EIF2AK4: variants seen among roughly 807,000 people sequenced by gnomAD.
The protein encoded by EIF2AK4 is eukaryotic translation initiation factor 2 alpha kinase 4, also known as eIF-2-alpha kinase GCN2.
A neutral mutation model predicts 211.1 loss-of-function variants in EIF2AK4; 139 were observed. The ratio of observed to expected loss-of-function variants is 0.66; its 90% CI spans 0.57 to 0.76. EIF2AK4 has a LOEUF of 0.76. Among genes scored for constraint, EIF2AK4 ranks in the 30% least tolerant of loss-of-function variants. EIF2AK4 has a pLI of 0.00. For synonymous variants in EIF2AK4, 710 were observed against 751.3 expected, an observed-to-expected ratio of 0.94 and a Z score of 0.90; for missense variants, 1,664 against 2,043.8, an observed-to-expected ratio of 0.81 and a Z score of 3.58.
Position 39,978,039 on chromosome 15 carries a change from G to A in EIF2AK4, c.2250-39G>A, listed in dbSNP as rs372077457. On this transcript the variant is annotated intron_variant, in intron 12 of 38. Coordinates refer to ENST00000263791, the MANE Select transcript of EIF2AK4 (RefSeq NM_001013703.4). ...TGTCCATGTTTATAATGATAATAGGGATTTCTGTTCCTTTAGTATTTCTGT... is the reference window on the plus strand; with the variant it reads ...TGTCCATGTTTATAATGATAATAGGAATTTCTGTTCCTTTAGTATTTCTGT... 172 of 1,428,202 alleles carry A rather than the reference G, an allele frequency of 1.2e-4. 1 individual carries two copies. The highest frequency in any genetic ancestry group is 1.6e-4 in the Non-Finnish European group (164 of 1,022,726). The allele number at this position is 1,428,202 out of a possible 1,614,324, so 88.5% of individuals were successfully genotyped here.
chr15:39,969,217 A>T (rs2034586980), intron 9 of EIF2AK4, among the ~76,000 whole-genome samples: 1 of 152,066 alleles, frequency 6.6e-6, no homozygotes, highest in South Asian at 2.1e-4. Context: ...CAGTACTGGG[A>T]GGTTTAAGTA....
intron 13 of EIF2AK4, among the ~76,000 whole-genome samples, chr15:39,979,842 C>G (rs1374703986): frequency 6.6e-6 from 1 of 152,104 alleles, no homozygotes; most frequent in Non-Finnish European, 1.5e-5. Context: ...ATGTTGGTTT[C>G]ACATCACGGC....
chr15:40,021,852 T>C (rs1567008217), intron 31 of EIF2AK4: 1 of 152,472 alleles, frequency 6.6e-6, no homozygotes, highest in Non-Finnish European at 1.5e-5. Flanking sequence ...ACCTGCTCTG[T>C]TTACATCACC....
chr15:40,033,888 C>T (rs960972580), intron 37 of EIF2AK4, among the ~76,000 whole-genome samples: 7 of 151,758 alleles, frequency 4.6e-5, no homozygotes, highest in Non-Finnish European at 1.0e-4. Context: ...ATTAGCCGGG[C>T]GTAGTGGCAG....
At chr15:40,018,754 A>G (rs2035343132) in intron 29 of EIF2AK4, among the ~76,000 whole-genome samples, 1 of 152,210 alleles carries the variant, frequency 6.6e-6, no homozygotes. Context: ...AATTATTAAC[A>G]AGGATTTTAC....
intron 4 of EIF2AK4, 104 bp from the exon 5 acceptor site, chr15:39,953,800 G>A: frequency 7.3e-6 from 8 of 1,098,098 alleles, no homozygotes; most frequent in Non-Finnish European, 1.1e-5. Flanking sequence ...TAGGAAGAGA[G>A]GGTTTGAATT....
chr15:39,993,121 C>T, intron 18 of EIF2AK4, among the ~76,000 whole-genome samples: 1 of 150,734 alleles, frequency 6.6e-6, no homozygotes, highest in Non-Finnish European at 1.5e-5. Context: ...CCCATCCACC[C>T]ATCCATCCAC....
chr15:40,020,414 A>G (rs55735426), intron 30 of EIF2AK4: 23,408 of 150,586 alleles, frequency 0.16, 1,929 homozygotes, highest in Non-Finnish European at 0.18. Flanking sequence ...CAATAAGGCC[A>G]AGGCAGGTGG....
intron 25 of EIF2AK4, 85 bp downstream of exon 25, chr15:40,008,280 GCTTCT>G (rs2035188850): frequency 8.3e-7 from 1 of 1,210,400 alleles, no homozygotes; most frequent in African/African-American, 1.6e-5. Context: ...CTACAGACCT[GCTTCT>G]CAGTCTGTCC....
At chr15:39,972,812 T>C (rs533604823) in intron 9 of EIF2AK4, 96 bp from the exon 10 acceptor site, 1 of 894,526 alleles carries the variant, frequency 1.1e-6, no homozygotes, top group Admixed American at 2.2e-5. Context: ...CTATAATGTG[T>C]ATCTTTAAAA....
intron 5 of EIF2AK4, among the ~76,000 whole-genome samples, chr15:39,955,129 C>T (rs986995711): frequency 6.6e-6 from 1 of 152,208 alleles, no homozygotes; most frequent in Non-Finnish European, 1.5e-5. Context: ...ACTCTCTGCC[C>T]TCTCTTTGAT....
chr15:39,973,552 C>G, intron 10 of EIF2AK4, 40 bp from the exon 11 acceptor site: 1 of 1,560,360 alleles, frequency 6.4e-7, no homozygotes, highest in South Asian at 1.2e-5. Context: ...TCCTAAATTT[C>G]CAATGCCTCA....
At chr15:39,997,995 A>C (rs1337785491) in intron 19 of EIF2AK4, among the ~76,000 whole-genome samples, 1 of 152,246 alleles carries the variant, frequency 6.6e-6, no homozygotes, top group Non-Finnish European at 1.5e-5. Context: ...GTATTCCACT[A>C]TAAGAACACT....
chr15:39,987,831 G>T (rs958574995), intron 14 of EIF2AK4, 152 bp from the exon 15 acceptor site: 2 of 720,922 alleles, frequency 2.8e-6, no homozygotes, highest in African/African-American at 1.8e-5. Context: ...TAATACTGTT[G>T]GTTTCTTTTT....
chr15:40,001,900 G>A (rs2035097903), intron 21 of EIF2AK4, among the ~76,000 whole-genome samples: 1 of 152,092 alleles, frequency 6.6e-6, no homozygotes, highest in Non-Finnish European at 1.5e-5. Context: ...TAGCCAGGTT[G>A]CCAGTTTGGG....
At chr15:39,992,143 T>C in intron 16 of EIF2AK4, 32 bp from the exon 17 acceptor site, 1 of 1,591,778 alleles carries the variant, frequency 6.3e-7, no homozygotes, top group Non-Finnish European at 8.6e-7. Context: ...TATCATGTTT[T>C]AATTGGATAT....
At chr15:39,944,594 G>A (rs1480711496) in intron 3 of EIF2AK4, among the ~76,000 whole-genome samples, 5 of 152,100 alleles carry the variant, frequency 3.3e-5, no homozygotes, top group African/African-American at 1.2e-4. Flanking sequence ...ACCATGCCCG[G>A]CTAATTTTTT....
At position 39,965,429 on chromosome 15, in the gene EIF2AK4, T is replaced by C. The variant is rs1380206566; in HGVS notation, c.860-257T>C. ...GTGAGCCACCACGCCTGGCCAAACA[T>C]TGGTCTCTTTATTTGCCTGATACTA... On this transcript the variant is annotated intron_variant, in intron 7 of 38. Transcript: ENST00000263791. Among the ~76,000 whole-genome samples, 4 of 152,154 alleles carry C rather than the reference T, an allele frequency of 2.6e-5. 1 individual carries two copies. The South Asian group carries it at 6.2e-4, about 24-fold the overall frequency.
intron 9 of EIF2AK4, 58 bp downstream of exon 9, chr15:39,967,937 T>C: frequency 6.5e-7 from 1 of 1,542,680 alleles, no homozygotes; most frequent in Non-Finnish European, 8.8e-7. Context: ...TTGATTGTGC[T>C]GGAGTGTGCC....
Sources: allele counts gnomAD v4.1 joint callset (sites outside exome capture counted in the v4.1 genomes callset), GRCh38; gene constraint gnomAD v4.1.1; transcripts MANE v1.5; gene names NCBI Gene and HGNC (gene_info 2026-07-23, HGNC 2026-07-21).